Variants in DCC observed in about 807,000 individuals in gnomAD.
DCC encodes the protein netrin receptor DCC.
Under a neutral mutation model 172.5 loss-of-function variants are expected in DCC, and 58 were observed. That is an observed-to-expected ratio of 0.34 (90% CI 0.27 to 0.42). The LOEUF (loss-of-function observed/expected upper bound fraction) is 0.42. Among genes scored for constraint, DCC ranks in the 10% least tolerant of loss-of-function variants. DCC has a pLI of 1.00. For synonymous variants in DCC, 709 were observed against 644.5 expected (o/e 1.10, Z -1.52); for missense variants, 1,740 against 1,791.0 (o/e 0.97, Z 0.51).
chr18:53,226,669 C>A (rs1463266199), intron 12 of DCC, among the ~76,000 whole-genome samples: 1 of 151,630 alleles, frequency 6.6e-6, no homozygotes, highest in East Asian at 1.9e-4. Flanking sequence ...CTTACCTCAT[C>A]CCTCAAGGGT....
intron 21 of DCC, among the ~76,000 whole-genome samples, chr18:53,418,499 A>T (rs991954402): frequency 2.0e-5 from 3 of 152,176 alleles, no homozygotes; most frequent in African/African-American, 7.2e-5. Flanking sequence ...CTTCTCATGG[A>T]GAAATGATCC....
intron 26 of DCC, 36 bp downstream of exon 26, chr18:53,486,994 T>A: frequency 6.2e-7 from 1 of 1,613,104 alleles, no homozygotes; most frequent in Non-Finnish European, 8.5e-7. Flanking sequence ...TAAGCACAAA[T>A]GAATAATAGC....
chr18:53,073,792 C>T (rs369511213), intron 7 of DCC, among the ~76,000 whole-genome samples: 28 of 151,728 alleles, frequency 1.8e-4, no homozygotes, highest in East Asian at 1.7e-3. Flanking sequence ...AACATCAAGA[C>T]GTAAAACCAG....
chr18:53,195,486 G>T (rs556316111), intron 9 of DCC, among the ~76,000 whole-genome samples: 1 of 152,316 alleles, frequency 6.6e-6, no homozygotes, highest in Admixed American at 6.5e-5. Context: ...GGGGAAAAAT[G>T]TGGTTTCCTC....
chr18:53,516,634 A>G (rs1174870950), intron 27 of DCC, among the ~76,000 whole-genome samples: 3 of 151,444 alleles, frequency 2.0e-5, no homozygotes, highest in Middle Eastern at 3.4e-3. Flanking sequence ...AAAAGTGGGC[A>G]AAGCACATGA....
chr18:52,873,910 A>G (rs2039360915), intron 2 of DCC, among the ~76,000 whole-genome samples: 1 of 152,242 alleles, frequency 6.6e-6, no homozygotes, highest in South Asian at 2.1e-4. Context: ...AGATTTTTCT[A>G]TCCAGAGTGT....
chr18:53,382,534 TG>T (rs1163021755), intron 15 of DCC, among the ~76,000 whole-genome samples: 2 of 152,102 alleles, frequency 1.3e-5, no homozygotes, highest in African/African-American at 4.8e-5. Context: ...GACCTCTAAA[TG>T]TATAGCATTC....
At chr18:53,345,852 G>A (rs1029291040) in intron 15 of DCC, among the ~76,000 whole-genome samples, 13 of 151,686 alleles carry the variant, frequency 8.6e-5, no homozygotes, top group Non-Finnish European at 8.8e-5. Flanking sequence ...TAGAGTTTTA[G>A]ACCATTGCAA....
At chr18:53,511,871 C>G in intron 27 of DCC, among the ~76,000 whole-genome samples, 1 of 152,310 alleles carries the variant, frequency 6.6e-6, no homozygotes, top group Non-Finnish European at 1.5e-5. Context: ...AACTGCAAGG[C>G]GGCAGCGAGG....
chr18:52,376,443 AG>A lies in DCC; in HGVS notation c.91+35566del, dbSNP rs527276226. Among the ~76,000 whole-genome samples, 28 of 152,238 alleles carry A rather than the reference AG, an allele frequency of 1.8e-4. No homozygotes were observed. In the South Asian group the frequency reaches 5.4e-3, roughly 29 times the overall value. ...TTCTGTTGTGTAGCCAAGAATAGAAAGAATAGACTTGAATTTCTCAAAAATA... is the reference window on the plus strand; with the variant it reads ...TTCTGTTGTGTAGCCAAGAATAGAAAAATAGACTTGAATTTCTCAAAAATA... On this transcript the variant is annotated intron_variant, in intron 1 of 28. Coordinates refer to ENST00000442544, the MANE Select transcript of DCC (RefSeq NM_005215.4).
At chr18:52,957,443 CAAA>C (rs879913288) in intron 5 of DCC, among the ~76,000 whole-genome samples, 2 of 151,764 alleles carry the variant, frequency 1.3e-5, no homozygotes, top group Non-Finnish European at 2.9e-5. Flanking sequence ...TTCAGCAGAA[CAAA>C]GGAACTAAAG....
intron 5 of DCC, among the ~76,000 whole-genome samples, chr18:52,977,305 G>A (rs2145597328): frequency 6.6e-6 from 1 of 152,144 alleles, no homozygotes; most frequent in South Asian, 2.1e-4. Context: ...GAATTACCTG[G>A]GGAGCTCTAA....
intron 15 of DCC, among the ~76,000 whole-genome samples, chr18:53,340,620 G>A (rs954523925): frequency 6.6e-6 from 1 of 152,288 alleles, no homozygotes; most frequent in African/African-American, 2.4e-5. Flanking sequence ...TCTAATGTGT[G>A]TAAAAGTGTT....
rs142905964 is a variant in DCC, at chr18:52,352,379, A to G, written c.91+11501A>G. On this transcript the variant is annotated intron_variant, in intron 1 of 28. Coordinates refer to ENST00000442544, the MANE Select transcript of DCC (RefSeq NM_005215.4). ...GTCAGACTCCAATGGCAATTTTGAA[A>G]TCAATCACATCATGGTTTAGTGGAC... Among the ~76,000 whole-genome samples the G allele has an allele frequency of 8.1e-4, 123 of 152,300 alleles. 1 individual carries two copies. The highest frequency in any genetic ancestry group is 2.8e-3 in the African/African-American group (115 of 41,562).
intron 12 of DCC, among the ~76,000 whole-genome samples, chr18:53,302,470 G>A (rs1400824770): frequency 2.0e-5 from 3 of 151,940 alleles, no homozygotes; most frequent in African/African-American, 4.8e-5. Flanking sequence ...GTACTCTTTC[G>A]AGTCTGGTTT....
chr18:53,415,811 C>T (rs1479734453), intron 20 of DCC, among the ~76,000 whole-genome samples: 1 of 76,980 alleles, frequency 1.3e-5, no homozygotes, highest in African/African-American at 2.8e-5. Context: ...TAATTGCATG[C>T]AGTTTTTTTT....
intron 7 of DCC, among the ~76,000 whole-genome samples, chr18:53,135,739 G>A (rs2043731463): frequency 6.6e-6 from 1 of 152,124 alleles, no homozygotes; most frequent in South Asian, 2.1e-4. Flanking sequence ...TTCAATGATG[G>A]CTGAATGGAA....
In DCC at chr18:53,363,224, A is replaced by C. The variant is rs115889259; in HGVS notation, c.2360-22819A>C. 7.1e-3 allele frequency among the ~76,000 whole-genome samples: 1,088 copies of C among 152,296 alleles called. 13 individuals are homozygous for C. The highest frequency in any genetic ancestry group is 0.024 in the African/African-American group (1,015 of 41,564). ...ATGCTCTCTCTTGAAAGGCAAATAC[A>C]GCTTTGAAAAATATCTAGCAAGTGG... is the stretch of plus-strand genomic sequence containing the variant. On this transcript the variant is annotated intron_variant, in intron 15 of 28. Transcript: ENST00000442544.
At chr18:53,351,105 T>A (rs887596666) in intron 15 of DCC, among the ~76,000 whole-genome samples, 1 of 150,818 alleles carries the variant, frequency 6.6e-6, no homozygotes, top group Non-Finnish European at 1.5e-5. Context: ...GGGTGATTCA[T>A]TAATAATACA....
Sources: gnomAD v4.1 joint callset for allele counts (sites outside exome capture counted in the v4.1 genomes callset) on GRCh38, gnomAD v4.1.1 for gene constraint, MANE v1.5 for transcripts, NCBI Gene and HGNC (gene_info 2026-07-23, HGNC 2026-07-21) for gene names.